Variants in CHST9 observed in about 807,000 individuals in gnomAD.
CHST9 encodes carbohydrate sulfotransferase 9.
A neutral mutation model predicts 44.4 loss-of-function variants in CHST9; 41 were observed. That is an observed-to-expected ratio of 0.92 (90% CI 0.72 to 1.20). The LOEUF is 1.20. Ranked by LOEUF, CHST9 falls within the 50% of genes most tolerant of loss-of-function variation. The pLI, the probability that CHST9 is intolerant of heterozygous loss-of-function variation, is 0.00. For synonymous variants in CHST9, 171 were observed against 178.4 expected (o/e 0.96, Z 0.33); for missense variants, 504 against 516.5 (o/e 0.98, Z 0.23).
At chr18:27,012,082 T>C (rs1280007064) in intron 4 of CHST9, among the ~76,000 whole-genome samples, 1 of 152,200 alleles carries the variant, frequency 6.6e-6, no homozygotes, top group Non-Finnish European at 1.5e-5. Flanking sequence ...GCCCAGACTC[T>C]GATGCCACTA....
intron 2 of CHST9, among the ~76,000 whole-genome samples, chr18:27,141,591 CAAAAAAAAA>C (rs34920055): frequency 1.4e-4 from 7 of 50,098 alleles, no homozygotes; most frequent in Admixed American, 8.1e-4. Context: ...AATCCCGACT[CAAAAAAAAA>C]AAAAAAAAAA....
intron 2 of CHST9, among the ~76,000 whole-genome samples, chr18:27,072,283 G>A (rs974153874): frequency 6.6e-6 from 1 of 152,196 alleles, no homozygotes; most frequent in African/African-American, 2.4e-5. Context: ...CCAGGATGTA[G>A]AATATCCTTA....
At position 26,912,972 on chromosome 18, in the gene CHST9, CG is replaced by C. The variant is rs1489888040; in HGVS notation, c.*3286del. On this transcript the variant is annotated 3_prime_UTR_variant, in exon 6 of 6. Transcript: ENST00000618847. ...CCTGGGCAAAACATCTGCTTCACCA[CG>C]CCCCATGAAGGCCTAGAGGCTGGGA... 8 of 152,194 alleles carry C rather than the reference CG, an allele frequency of 5.3e-5. No individual in the cohort carries two copies. Among genetic ancestry groups the C allele is most frequent in the Non-Finnish European group, 1.2e-4 (8 of 68,048 alleles). The allele number at this position is 152,194 out of a possible 1,614,324, so 9.4% of individuals were successfully genotyped here.
At chr18:26,975,726 T>C (rs1400126937) in intron 4 of CHST9, among the ~76,000 whole-genome samples, 1 of 3,770 alleles carries the variant, frequency 2.7e-4, no homozygotes, top group African/African-American at 1.1e-3. Flanking sequence ...TGTGTGTGTG[T>C]ATATATATAT....
intron 1 of CHST9, among the ~76,000 whole-genome samples, chr18:27,184,289 G>C (rs2058937630): frequency 1.3e-5 from 2 of 152,160 alleles, no homozygotes; most frequent in African/African-American, 2.4e-5. Context: ...CAGAGAGAGA[G>C]AAAGGAGGAA....
At chr18:27,102,013 A>G (rs13381460) in intron 2 of CHST9, among the ~76,000 whole-genome samples, 2 of 152,212 alleles carry the variant, frequency 1.3e-5, no homozygotes, top group African/African-American at 4.8e-5. Flanking sequence ...AAAGGCACAG[A>G]TAGTGAGTTG....
rs35249332 is a variant in CHST9 at position 27,112,578 on chromosome 18, CGTGTGTGTGTGTGTGTGTGT to C, written c.121+30091_121+30110del. On this transcript the variant is annotated intron_variant, in intron 2 of 5. Transcript: ENST00000618847. ...AGGATTTTAGATTAGGGATATTCAA[CGTGTGTGTGTGTGTGTGTGT>C]GTGTGTGTGTGTGTGTGTAGGATAC... 8.0e-4 allele frequency among the ~76,000 whole-genome samples: 112 copies of C among 140,532 alleles called. 2 individuals carry two copies. In the East Asian group the frequency reaches 0.015, roughly 19 times the overall value. The allele number at this position is 140,532 out of a possible 152,430, so 92.2% of individuals were successfully genotyped here.
At chr18:26,929,041 CA>C (rs373107694) in intron 5 of CHST9, among the ~76,000 whole-genome samples, 66 of 152,264 alleles carry the variant, frequency 4.3e-4, no homozygotes, top group African/African-American at 1.6e-3. Flanking sequence ...TCCAGGACCC[CA>C]AACACTCTGT....
chr18:27,053,256 A>AAGAAGAAGAAGAAGGAGAAGGAGAAGG (rs1568151140), intron 2 of CHST9, among the ~76,000 whole-genome samples: 6 of 80,572 alleles, frequency 7.4e-5, no homozygotes, highest in Admixed American at 4.0e-4. Context: ...GAAGAAGAAG[A>AAGAAGAAGAAGAAGGAGAAGGAGAAGG]AGAAGGAGAA....
intron 4 of CHST9, among the ~76,000 whole-genome samples, chr18:26,954,371 A>G (rs1016262092): frequency 2.6e-5 from 4 of 152,070 alleles, no homozygotes; most frequent in Non-Finnish European, 2.9e-5. Context: ...ACAGTCCCCA[A>G]TTTGTTGAGC....
At chr18:27,179,479 T>C (rs2058894752) in intron 1 of CHST9, among the ~76,000 whole-genome samples, 1 of 152,042 alleles carries the variant, frequency 6.6e-6, no homozygotes, top group East Asian at 1.9e-4. Context: ...ATGGCTCTCA[T>C]AATGGCAAGT....
At chr18:26,980,067 A>C (rs1196930095) in intron 4 of CHST9, among the ~76,000 whole-genome samples, 1 of 152,152 alleles carries the variant, frequency 6.6e-6, no homozygotes, top group Non-Finnish European at 1.5e-5. Flanking sequence ...GAGTTCATCA[A>C]GACTACATTA....
chr18:26,966,108 A>T (rs184739828), intron 4 of CHST9, among the ~76,000 whole-genome samples: 5 of 152,348 alleles, frequency 3.3e-5, no homozygotes, highest in African/African-American at 1.2e-4. Flanking sequence ...AGTGTCTGGC[A>T]ATCCCAATTG....
chr18:27,011,658 C>G (rs188985315), intron 4 of CHST9, among the ~76,000 whole-genome samples: 4 of 152,148 alleles, frequency 2.6e-5, no homozygotes, highest in Admixed American at 1.3e-4. Flanking sequence ...GTTCAGGGAG[C>G]CTTTGAACTT....
At chr18:26,973,827 T>C (rs1173648830) in intron 4 of CHST9, among the ~76,000 whole-genome samples, 1 of 152,214 alleles carries the variant, frequency 6.6e-6, no homozygotes, top group Non-Finnish European at 1.5e-5. Context: ...ATTCTTCCTT[T>C]TAACCTTGGT....
At chr18:27,036,621 T>C (rs560085570) in intron 3 of CHST9, among the ~76,000 whole-genome samples, 1 of 152,288 alleles carries the variant, frequency 6.6e-6, no homozygotes, top group East Asian at 1.9e-4. Context: ...CAAAACTTCC[T>C]ACCTGCCTAA....
chr18:26,923,722 A>C (rs1326123587), intron 5 of CHST9, among the ~76,000 whole-genome samples: 1 of 152,252 alleles, frequency 6.6e-6, no homozygotes, highest in African/African-American at 2.4e-5. Context: ...AGGAAACCAA[A>C]GTTTAATTGA....
intron 3 of CHST9, among the ~76,000 whole-genome samples, chr18:27,032,999 G>T (rs549079107): frequency 1.3e-5 from 2 of 152,292 alleles, no homozygotes; most frequent in African/African-American, 4.8e-5. Context: ...AACAGTATCA[G>T]GGTACAACAG....
intron 2 of CHST9, among the ~76,000 whole-genome samples, chr18:27,082,011 A>T (rs2057965637): frequency 6.6e-6 from 1 of 152,204 alleles, no homozygotes; most frequent in Non-Finnish European, 1.5e-5. Flanking sequence ...AGCCAGTCTG[A>T]CTAAATGTTT....
Sources: allele counts gnomAD v4.1 joint callset (sites outside exome capture counted in the v4.1 genomes callset), GRCh38; gene constraint gnomAD v4.1.1; transcripts MANE v1.5; gene names NCBI Gene and HGNC (gene_info 2026-07-23, HGNC 2026-07-21).